EXOC6B: variants seen among roughly 807,000 people sequenced by gnomAD.
EXOC6B encodes SEC15 homolog B.
A neutral mutation model predicts 113.5 loss-of-function variants in EXOC6B; 54 were observed. The observed-to-expected ratio is 0.48, with a 90% confidence interval of 0.38 to 0.60. The LOEUF (loss-of-function observed/expected upper bound fraction) is 0.60, where lower values mean the gene tolerates loss of function less well. EXOC6B is among the 20% of genes least tolerant of loss of function. EXOC6B has a pLI of 0.00. For synonymous variants in EXOC6B, 357 were observed against 339.0 expected (o/e 1.05, Z -0.58); for missense variants, 797 against 977.5 (o/e 0.82, Z 2.46).
chr2:72,782,779 T>C (rs187212631), intron 1 of EXOC6B, among the ~76,000 whole-genome samples: 11 of 152,326 alleles, frequency 7.2e-5, no homozygotes, highest in African/African-American at 2.4e-4. Flanking sequence ...ATGTGGTATT[T>C]TTCTTTCTGG....
intron 1 of EXOC6B, among the ~76,000 whole-genome samples, chr2:72,822,985 C>A (rs1686663014): frequency 6.6e-6 from 1 of 151,886 alleles, no homozygotes; most frequent in Non-Finnish European, 1.5e-5. Context: ...CAAGTCTGTG[C>A]ATGCTGCTGC....
chr2:72,527,884 TTTTG>T (rs138781867), intron 8 of EXOC6B, among the ~76,000 whole-genome samples: 12 of 152,096 alleles, frequency 7.9e-5, no homozygotes, highest in African/African-American at 2.9e-4. Flanking sequence ...TTCTTTTGTT[TTTTG>T]TTTATTTGTT....
intron 6 of EXOC6B, among the ~76,000 whole-genome samples, chr2:72,667,455 C>T (rs1675472802): frequency 6.6e-6 from 1 of 152,162 alleles, no homozygotes; most frequent in Non-Finnish European, 1.5e-5. Flanking sequence ...GGAGGAATCA[C>T]ATTACCTGAC....
At chr2:72,341,911 G>A (rs1689052750) in intron 19 of EXOC6B, among the ~76,000 whole-genome samples, 1 of 151,876 alleles carries the variant, frequency 6.6e-6, no homozygotes, top group Non-Finnish European at 1.5e-5. Flanking sequence ...GAGCATAATG[G>A]TATATAAAAC....
chr2:72,402,052 A>C (rs1310394632), intron 18 of EXOC6B, among the ~76,000 whole-genome samples: 1 of 151,878 alleles, frequency 6.6e-6, no homozygotes, highest in East Asian at 1.9e-4. Flanking sequence ...TCCTCTTACT[A>C]TTAGCAAAAT....
intron 8 of EXOC6B, among the ~76,000 whole-genome samples, chr2:72,527,771 C>A (rs751460131): frequency 6.6e-6 from 1 of 151,990 alleles, no homozygotes; most frequent in Admixed American, 6.6e-5. Flanking sequence ...CCTCTAACAA[C>A]TAAGGATGTT....
At chr2:72,250,046 T>C (rs1478857076) in intron 20 of EXOC6B, among the ~76,000 whole-genome samples, 1 of 152,230 alleles carries the variant, frequency 6.6e-6, no homozygotes, top group Non-Finnish European at 1.5e-5. Context: ...CACATGGTAA[T>C]ACACTTCCTA....
intron 7 of EXOC6B, among the ~76,000 whole-genome samples, chr2:72,573,699 A>C (rs1704647585): frequency 6.6e-6 from 1 of 152,234 alleles, no homozygotes; most frequent in Admixed American, 6.5e-5. Flanking sequence ...TTAACTATTA[A>C]TGTACTTCAT....
chr2:72,268,362 T>A (rs1254828028), intron 20 of EXOC6B, among the ~76,000 whole-genome samples: 1 of 152,160 alleles, frequency 6.6e-6, no homozygotes, highest in Admixed American at 6.5e-5. Context: ...TCCACCCACC[T>A]CTGCCTCCCA....
chr2:72,487,342 TTTTTG>T (rs141388449), intron 16 of EXOC6B, among the ~76,000 whole-genome samples: 6 of 151,772 alleles, frequency 4.0e-5, no homozygotes, highest in Admixed American at 1.3e-4. Context: ...CACTGACAGT[TTTTTG>T]TTTTGTTTTG....
intron 6 of EXOC6B, among the ~76,000 whole-genome samples, chr2:72,709,061 A>C (rs552331419): frequency 6.6e-6 from 1 of 151,824 alleles, no homozygotes; most frequent in Non-Finnish European, 1.5e-5. Flanking sequence ...AAATTTAAAA[A>C]AAAAAACTAC....
chr2:72,772,630 C>T (rs1183811852), intron 1 of EXOC6B, among the ~76,000 whole-genome samples: 1 of 152,084 alleles, frequency 6.6e-6, no homozygotes, highest in Non-Finnish European at 1.5e-5. Flanking sequence ...ACCCAGGCAA[C>T]AGGACTGATC....
chr2:72,342,366 G>A (rs948134037), intron 19 of EXOC6B, among the ~76,000 whole-genome samples: 1 of 152,014 alleles, frequency 6.6e-6, no homozygotes, highest in Non-Finnish European at 1.5e-5. Flanking sequence ...CCCTTAGCTT[G>A]AGCAAAGGAC....
intron 16 of EXOC6B, among the ~76,000 whole-genome samples, chr2:72,487,506 A>G (rs1699493540): frequency 1.3e-5 from 2 of 152,032 alleles, no homozygotes; most frequent in Admixed American, 6.6e-5. Context: ...GATCACAGGC[A>G]CGTGCCACCA....
At chr2:72,593,843 CA>C (rs1706138405) in intron 6 of EXOC6B, among the ~76,000 whole-genome samples, 1 of 152,026 alleles carries the variant, frequency 6.6e-6, no homozygotes. Flanking sequence ...AAAGCTAACT[CA>C]AAAAGAAAAT....
chr2:72,230,735 T>A (rs985505434), intron 20 of EXOC6B, among the ~76,000 whole-genome samples: 6 of 152,192 alleles, frequency 3.9e-5, no homozygotes, highest in Admixed American at 3.9e-4. Flanking sequence ...AGATATAGAC[T>A]CTCAGTGCTA....
chr2:72,186,574 C>G (rs1006299000), intron 20 of EXOC6B, among the ~76,000 whole-genome samples: 1 of 151,352 alleles, frequency 6.6e-6, no homozygotes, highest in Admixed American at 6.6e-5. Context: ...TACTATTTGC[C>G]TATTGAGGAG....
intron 18 of EXOC6B, among the ~76,000 whole-genome samples, chr2:72,457,588 T>C (rs78287372): frequency 0.018 from 2,721 of 152,180 alleles, 78 homozygotes; most frequent in African/African-American, 0.061. Flanking sequence ...CTCTTAAGCA[T>C]TTCTGAAAGA....
rs556916468 is a variant in EXOC6B, at chr2:72,530,227, G to A, written c.916-15101C>T. ...TTAGAGATGTCAGCTTACATTATTC[G>A]TTTAAGACTTTTACTCTTTTCCAGT... On this transcript the variant is annotated intron_variant, in intron 8 of 21. Transcript: ENST00000272427. Among the ~76,000 whole-genome samples, 8 of 152,082 alleles carry A rather than the reference G, an allele frequency of 5.3e-5. No individual in the cohort carries two copies. In the South Asian group the frequency reaches 8.3e-4, roughly 16 times the overall value.
Sources: allele counts gnomAD v4.1 joint callset (sites outside exome capture counted in the v4.1 genomes callset), GRCh38; gene constraint gnomAD v4.1.1; transcripts MANE v1.5; gene names NCBI Gene and HGNC (gene_info 2026-07-23, HGNC 2026-07-21).